CNTNAP2: variants seen among roughly 807,000 people sequenced by gnomAD.
CNTNAP2 encodes contactin associated protein 2, also known as contactin-associated protein-like 2.
In CNTNAP2, 98 loss-of-function variants were observed where a neutral mutation model predicts 155.2. The observed-to-expected ratio is 0.63, with a 90% CI of 0.54 to 0.75. The LOEUF (loss-of-function observed/expected upper bound fraction) is 0.75, where lower values mean the gene tolerates loss of function less well. Among genes scored for constraint, CNTNAP2 ranks in the 30% least tolerant of loss-of-function variants. The probability of loss-of-function intolerance (pLI) is 0.00; values close to 1 mark genes in which losing one functional copy is unlikely to be tolerated. For missense variants in CNTNAP2, 1,727 were observed against 1,688.1 expected, an observed-to-expected ratio of 1.02 and a Z score of -0.40; for synonymous variants, 651 against 631.2, an observed-to-expected ratio of 1.03 and a Z score of -0.47.
intron 11 of CNTNAP2, among the ~76,000 whole-genome samples, chr7:147,541,368 T>C (rs555922320): frequency 6.6e-6 from 1 of 152,304 alleles, no homozygotes; most frequent in South Asian, 2.1e-4. Flanking sequence ...ACCTTCCTCA[T>C]AGGATTACTG....
intron 14 of CNTNAP2, among the ~76,000 whole-genome samples, chr7:147,959,506 C>T (rs556437874): frequency 1.3e-5 from 2 of 152,206 alleles, no homozygotes; most frequent in African/African-American, 4.8e-5. Flanking sequence ...TGGAAGTGGC[C>T]GTGTTACAGT....
At chr7:146,121,118 C>CTTTTT (rs1797556207) in intron 1 of CNTNAP2, among the ~76,000 whole-genome samples, 3 of 106,696 alleles carry the variant, frequency 2.8e-5, no homozygotes, top group African/African-American at 1.0e-4. Context: ...CATAAAGCTT[C>CTTTTT]CTTTTTTTTT....
At chr7:147,618,070 C>T (rs1013498350) in intron 12 of CNTNAP2, among the ~76,000 whole-genome samples, 1 of 151,980 alleles carries the variant, frequency 6.6e-6, no homozygotes, top group African/African-American at 2.4e-5. Context: ...AGAAAACAGA[C>T]AAAATTATTA....
chr7:148,405,326 T>C (rs371240548), intron 22 of CNTNAP2, among the ~76,000 whole-genome samples: 144 of 152,240 alleles, frequency 9.5e-4, no homozygotes, highest in African/African-American at 3.3e-3. Context: ...CTTGTCATTC[T>C]CCTTGCGTCA....
intron 1 of CNTNAP2, among the ~76,000 whole-genome samples, chr7:146,613,460 A>T (rs1799172777): frequency 6.6e-6 from 1 of 152,234 alleles, no homozygotes; most frequent in African/African-American, 2.4e-5. Flanking sequence ...TCCTATAGAA[A>T]TATAATTCAA....
chr7:146,564,420 A>T (rs1037086048), intron 1 of CNTNAP2, among the ~76,000 whole-genome samples: 7 of 151,704 alleles, frequency 4.6e-5, no homozygotes, highest in Admixed American at 6.6e-5. Flanking sequence ...TATGACCATT[A>T]AACTAGATAT....
At chr7:148,116,476 T>A (rs1804474767) in intron 15 of CNTNAP2, among the ~76,000 whole-genome samples, 3 of 151,502 alleles carry the variant, frequency 2.0e-5, no homozygotes, top group South Asian at 4.2e-4. Flanking sequence ...TTTCTCTCTC[T>A]CCAACCCCGC....
chr7:147,386,081 G>T (rs1448042788), intron 9 of CNTNAP2, among the ~76,000 whole-genome samples: 2 of 152,148 alleles, frequency 1.3e-5, no homozygotes, highest in Non-Finnish European at 2.9e-5. Context: ...GCTGTATCTT[G>T]CCCCCTTTTA....
chr7:146,412,356 T>C (rs1283162493), intron 1 of CNTNAP2, among the ~76,000 whole-genome samples: 2 of 152,156 alleles, frequency 1.3e-5, no homozygotes, highest in Admixed American at 1.3e-4. Context: ...AAGATTTGGT[T>C]TGTGGATGTG....
intron 1 of CNTNAP2, among the ~76,000 whole-genome samples, chr7:146,673,753 A>AT (rs61032784): frequency 0.056 from 8,498 of 151,634 alleles, 344 homozygotes; most frequent in African/African-American, 0.12. Context: ...CTAATTCTTA[A>AT]TTTTTTTTTC....
At chr7:147,326,581 A>G (rs749739556) in intron 9 of CNTNAP2, among the ~76,000 whole-genome samples, 3 of 152,196 alleles carry the variant, frequency 2.0e-5, no homozygotes, top group Non-Finnish European at 4.4e-5. Context: ...TGTTAATTCT[A>G]TTTTAAATTT....
chr7:146,451,547 T>C (rs926078921), intron 1 of CNTNAP2, among the ~76,000 whole-genome samples: 1 of 152,184 alleles, frequency 6.6e-6, no homozygotes, highest in African/African-American at 2.4e-5. Flanking sequence ...ACATTAGGTA[T>C]AGTGCTCTGC....
intron 15 of CNTNAP2, among the ~76,000 whole-genome samples, chr7:147,988,932 C>T (rs914932381): frequency 6.6e-6 from 1 of 152,112 alleles, no homozygotes; most frequent in Admixed American, 6.5e-5. Flanking sequence ...CAAATTCAAC[C>T]TAAGAGACTT....
At chr7:148,122,777 T>A (rs922760115) in intron 16 of CNTNAP2, among the ~76,000 whole-genome samples, 1 of 151,256 alleles carries the variant, frequency 6.6e-6, no homozygotes, top group Non-Finnish European at 1.5e-5. Context: ...ATTGTAGATA[T>A]GAAAGATCCT....
intron 1 of CNTNAP2, among the ~76,000 whole-genome samples, chr7:146,148,142 T>C (rs569642383): frequency 6.6e-6 from 1 of 152,240 alleles, no homozygotes; most frequent in South Asian, 2.1e-4. Context: ...AATGATGTTC[T>C]TTTATTTTTA....
At chr7:146,138,025 G>T (rs1367422718) in intron 1 of CNTNAP2, among the ~76,000 whole-genome samples, 1 of 151,732 alleles carries the variant, frequency 6.6e-6, no homozygotes, top group Non-Finnish European at 1.5e-5. Flanking sequence ...AGTTAAATTT[G>T]GTTTTTGCAA....
At position 147,888,271 on chromosome 7, in the gene CNTNAP2, C is replaced by A. The variant is rs1378346279; in HGVS notation, c.2099-15294C>A. Among the ~76,000 whole-genome samples, 5 of 151,636 alleles carry A rather than the reference C, an allele frequency of 3.3e-5. No homozygotes were observed. In the South Asian group the frequency reaches 1.0e-3, roughly 32 times the overall value. On this transcript the variant is annotated intron_variant, in intron 13 of 23. Coordinates refer to ENST00000361727, the MANE Select transcript of CNTNAP2 (RefSeq NM_014141.6). ...ATAATGGGTAACATTTGAAAAAGAA[C>A]CAAATAAACATTACAGGAATAAAAA...
intron 4 of CNTNAP2, chr7:147,085,807 C>T (rs2129270787): frequency 6.6e-6 from 1 of 152,270 alleles, no homozygotes; most frequent in South Asian, 2.1e-4. Context: ...TACAAGTTGT[C>T]CTCTGGTCCA....
intron 20 of CNTNAP2, among the ~76,000 whole-genome samples, chr7:148,240,474 C>T (rs991233397): frequency 6.6e-6 from 1 of 152,146 alleles, no homozygotes; most frequent in African/African-American, 2.4e-5. Context: ...AACGAGATTT[C>T]CCCTTGAGGA....
Sources: allele counts gnomAD v4.1 joint callset (sites outside exome capture counted in the v4.1 genomes callset), GRCh38; gene constraint gnomAD v4.1.1; transcripts MANE v1.5; gene names NCBI Gene and HGNC (gene_info 2026-07-23, HGNC 2026-07-21).